The following ZZEF1 variants were observed in gnomAD, a reference collection of about 807,000 sequenced individuals.
The protein encoded by ZZEF1 is zinc finger ZZ-type and EF-hand domain containing 1, also known as zinc finger ZZ-type and EF-hand domain-containing protein 1.
A neutral mutation model predicts 342.8 loss-of-function variants in ZZEF1; 157 were observed. The observed-to-expected ratio is 0.46, with a 90% CI of 0.40 to 0.52. ZZEF1 has a LOEUF of 0.52. Among genes scored for constraint, ZZEF1 ranks in the 20% least tolerant of loss-of-function variants. The probability of loss-of-function intolerance (pLI) is 0.00; values close to 1 mark genes in which losing one functional copy is unlikely to be tolerated. For synonymous variants in ZZEF1, 1,505 were observed against 1,429.1 expected (o/e 1.05, Z -1.20); for missense variants, 3,480 against 3,725.6 (o/e 0.93, Z 1.72).
At position 4,034,112 on chromosome 17, in the gene ZZEF1, T is replaced by C; in HGVS notation, c.6487A>G (p.Lys2163Glu). The change falls in exon 40 of 55, where the codon AAA (lysine) becomes GAA (glutamate). Residue 2163 changes from lysine to glutamate, a missense_variant. Transcript: ENST00000381638. ...TCCCCTGCAGCAAACAGGTTGTGTT[T>C]GGCTGAGAGGACTTTGATCACTGCG... The part of the protein sequence containing the change: ...DAAVIKVLSA[K>E]HNLFAAGDSS... 6.2e-7 allele frequency: 1 copy of C among 1,614,226 alleles called. No individual in the cohort carries two copies. Among genetic ancestry groups the C allele is most frequent in the South Asian group, 1.1e-5 (1 of 91,082 alleles).
chr17:4,135,454 A>G (rs1319206717), intron 1 of ZZEF1, among the ~76,000 whole-genome samples: 2 of 142,494 alleles, frequency 1.4e-5, no homozygotes, highest in Non-Finnish European at 3.1e-5. Context: ...AGCCTGGGCA[A>G]CAGAGCAAGA....
Position 4,014,497 on chromosome 17 carries a change from C to T in ZZEF1, c.8164G>A (p.Gly2722Ser). ...TNFEDKVHIP[G>S]AIYLSIKFDS... ...AATTTGATTGAGAGGTAGATGGCAC[C>T]AGGAATGTGAACTTTATCCTAGGGA... Residue 2722 changes from glycine to serine, a missense_variant, in exon 50 of 55, where the codon GGT (glycine) becomes AGT (serine). Gly to Ser is a moderately conservative substitution (Grantham distance 56, BLOSUM62 0). Transcript: ENST00000381638. The surrounding 1 kb of genome is among the most constrained non-coding windows in gnomAD (Gnocchi z 4.4). The T allele has an allele frequency of 6.2e-7, 1 of 1,614,182 alleles. No individual in the cohort carries two copies.
intron 38 of ZZEF1, 87 bp from the exon 39 acceptor site, chr17:4,042,655 G>T: frequency 7.5e-7 from 1 of 1,326,550 alleles, no homozygotes; most frequent in Non-Finnish European, 1.0e-6. Context: ...CCCCTGTGCT[G>T]CTACGGAATA....
At chr17:4,061,166 T>G (rs1038669265) in intron 30 of ZZEF1, among the ~76,000 whole-genome samples, 4 of 152,232 alleles carry the variant, frequency 2.6e-5, no homozygotes, top group African/African-American at 9.6e-5. Flanking sequence ...TTTTATCTCT[T>G]TCGAACTCTC....
In ZZEF1 at chr17:4,091,319, C is replaced by T. The variant is rs371039286; in HGVS notation, c.1914-489G>A. On this transcript the variant is annotated intron_variant, in intron 11 of 54. Coordinates refer to ENST00000381638, the MANE Select transcript of ZZEF1 (RefSeq NM_015113.4). ...TCCTGGAGGTCCAAAAAAACAAAAA[C>T]CCCAGCCTTCGTAGGCCTCAGTATT... is the stretch of plus-strand genomic sequence containing the variant. 2.6e-5 allele frequency among the ~76,000 whole-genome samples: 4 copies of T among 152,308 alleles called. No homozygotes were observed. In the South Asian group the frequency reaches 8.3e-4, roughly 32 times the overall value.
intron 35 of ZZEF1, 96 bp downstream of exon 35, chr17:4,051,875 A>AT (rs1381651909): frequency 1.5e-6 from 2 of 1,334,910 alleles, no homozygotes; most frequent in African/African-American, 3.0e-5. Context: ...AAATTTTTAA[A>AT]TAAAAAAAAC....
intron 11 of ZZEF1, among the ~76,000 whole-genome samples, chr17:4,094,793 G>C (rs1268213843): frequency 6.6e-6 from 1 of 152,156 alleles, no homozygotes; most frequent in East Asian, 1.9e-4. Flanking sequence ...GTGGTCTCTT[G>C]GTCCACATCT....
chr17:4,084,373 A>C (rs1396243432), intron 16 of ZZEF1, among the ~76,000 whole-genome samples: 1 of 152,170 alleles, frequency 6.6e-6, no homozygotes, highest in Non-Finnish European at 1.5e-5. Context: ...CATAAATCCA[A>C]CTTGGCCATA....
chr17:4,106,857 G>A (rs1449291147), intron 6 of ZZEF1, among the ~76,000 whole-genome samples: 3 of 152,126 alleles, frequency 2.0e-5, no homozygotes, highest in Non-Finnish European at 2.9e-5. Flanking sequence ...ACTGATAGTC[G>A]CTTAATGATA....
At chr17:4,083,307 CA>C (rs2057758533) in intron 16 of ZZEF1, among the ~76,000 whole-genome samples, 1 of 152,238 alleles carries the variant, frequency 6.6e-6, no homozygotes, top group Non-Finnish European at 1.5e-5. Context: ...GGAAATTAAT[CA>C]TTTGCTCAGC....
At position 4,051,121 on chromosome 17, in the gene ZZEF1, G is replaced by A. The variant is rs2057037152; in HGVS notation, c.5601-78C>T. 3.1e-6 allele frequency: 5 copies of A among 1,604,856 alleles called. No individual in the cohort carries two copies. In the Admixed American group the frequency reaches 5.1e-5, roughly 16 times the overall value. On this transcript the variant is annotated intron_variant, in intron 35 of 54. Transcript: ENST00000381638. ...CTCCAAACAGGAGCACAGGGCCTTAGGAGAGCATGTGGTCGCAACTGGGCA... is the reference window on the plus strand; with the variant it reads ...CTCCAAACAGGAGCACAGGGCCTTAAGAGAGCATGTGGTCGCAACTGGGCA...
chr17:4,075,697 A>G lies in ZZEF1; in HGVS notation c.3235-268T>C, dbSNP rs542790086. On this transcript the variant is annotated intron_variant, in intron 21 of 54. Coordinates refer to ENST00000381638, the MANE Select transcript of ZZEF1 (RefSeq NM_015113.4). ...TTTCGCTATGACAGAACTACTTACAAATCATTACCAGTGTGAATTCCCAGT... is the reference window on the plus strand; with the variant it reads ...TTTCGCTATGACAGAACTACTTACAGATCATTACCAGTGTGAATTCCCAGT... 2.0e-5 allele frequency among the ~76,000 whole-genome samples: 3 copies of G among 152,314 alleles called. No homozygotes were observed. In the South Asian group the frequency reaches 6.2e-4, roughly 32 times the overall value.
intron 2 of ZZEF1, among the ~76,000 whole-genome samples, chr17:4,120,908 C>T (rs937231830): frequency 1.6e-4 from 24 of 152,208 alleles, no homozygotes; most frequent in African/African-American, 5.5e-4. Flanking sequence ...GTACTGTTCT[C>T]TTTTCTTAAA....
chr17:4,084,910 C>T (rs910247335), intron 16 of ZZEF1, among the ~76,000 whole-genome samples: 8 of 151,946 alleles, frequency 5.3e-5, no homozygotes, highest in South Asian at 4.1e-4. Flanking sequence ...CCTTGGGCTT[C>T]GAGACCAGCC....
intron 35 of ZZEF1, 34 bp from the exon 36 acceptor site, chr17:4,051,077 C>T (rs753908388): frequency 2.5e-6 from 4 of 1,613,668 alleles, no homozygotes; most frequent in South Asian, 2.2e-5. Flanking sequence ...AGCTTACAAC[C>T]CTCCAAAAGC....
chr17:4,075,489 G>A, intron 21 of ZZEF1, 60 bp from the exon 22 acceptor site: 2 of 1,565,610 alleles, frequency 1.3e-6, no homozygotes, highest in Non-Finnish European at 1.7e-6. Flanking sequence ...CTAGCCACAT[G>A]CAGCAGACTG....
chr17:4,046,171 T>A (rs2056908785), intron 37 of ZZEF1, among the ~76,000 whole-genome samples: 1 of 152,194 alleles, frequency 6.6e-6, no homozygotes, highest in African/African-American at 2.4e-5. Flanking sequence ...GATGCCCTTT[T>A]GAGAATCCCA....
chr17:4,104,543 G>T, intron 8 of ZZEF1, 90 bp downstream of exon 8: 1 of 1,409,126 alleles, frequency 7.1e-7, no homozygotes. Flanking sequence ...AAAAAGATGA[G>T]AAGATACCAG....
chr17:4,034,439 T>A, intron 39 of ZZEF1, 147 bp from the exon 40 acceptor site: 1 of 748,382 alleles, frequency 1.3e-6, no homozygotes, highest in African/African-American at 1.8e-5. Flanking sequence ...ATATGTATAA[T>A]CACTTACAAA....
Sources: allele counts gnomAD v4.1 joint callset (sites outside exome capture counted in the v4.1 genomes callset), GRCh38; gene constraint gnomAD v4.1.1; non-coding constraint Gnocchi (gnomAD v3.1); transcripts MANE v1.5; gene names NCBI Gene and HGNC (gene_info 2026-07-23, HGNC 2026-07-21).